Variants in PCDHGA5 observed in about 807,000 individuals in gnomAD.
PCDHGA5 encodes the protein protocadherin gamma-A5.
In PCDHGA5, 36 loss-of-function variants were observed where a neutral mutation model predicts 56.7. The observed-to-expected ratio is 0.64, with a 90% CI of 0.49 to 0.84. The LOEUF (loss-of-function observed/expected upper bound fraction) is 0.84, where lower values mean the gene tolerates loss of function less well. Among genes scored for constraint, PCDHGA5 ranks in the 40% least tolerant of loss-of-function variants. PCDHGA5 has a pLI of 0.00. For synonymous variants in PCDHGA5, 563 were observed against 520.2 expected, an observed-to-expected ratio of 1.08 and a Z score of -1.12; for missense variants, 1,305 against 1,201.5, an observed-to-expected ratio of 1.09 and a Z score of -1.27.
At chr5:141,495,591 C>G (rs2099762279) in intron 2 of PCDHGA5, among the ~76,000 whole-genome samples, 3 of 152,222 alleles carry the variant, frequency 2.0e-5, no homozygotes, top group African/African-American at 7.2e-5. Context: ...CCATCTCTGT[C>G]TTAGCTTCCG....
intron 1 of PCDHGA5, chr5:141,376,562 C>G: frequency 1.2e-6 from 2 of 1,608,850 alleles, no homozygotes; most frequent in Non-Finnish European, 8.5e-7. Context: ...CGCAACCCAA[C>G]TAATCAGACA....
At chr5:141,386,929 A>G (rs1329848875) in intron 1 of PCDHGA5, among the ~76,000 whole-genome samples, 1 of 152,216 alleles carries the variant, frequency 6.6e-6, no homozygotes, top group Non-Finnish European at 1.5e-5. Context: ...AAATAAGTGC[A>G]GAGGTAGGAA....
chr5:141,460,126 T>TC (rs2098982804), intron 1 of PCDHGA5, among the ~76,000 whole-genome samples: 1 of 151,986 alleles, frequency 6.6e-6, no homozygotes, highest in South Asian at 2.1e-4. Context: ...ATATATGTAA[T>TC]ATATATATTC....
At chr5:141,479,633 T>TAACAAC (rs749744124) in intron 1 of PCDHGA5, 1 of 152,114 alleles carries the variant, frequency 6.6e-6, no homozygotes, top group Admixed American at 6.5e-5. Flanking sequence ...TCTTTAACAA[T>TAACAAC]AACAACAACA....
In PCDHGA5 at chr5:141,493,233, G is replaced by T. The variant is rs1335823475; in HGVS notation, c.2422-1574G>T. ...TTTGCTCTTCCCACCATTGCTGTTG[G>T]CTAGGTACTAACATGCCTCTCTTAT... is the stretch of plus-strand genomic sequence containing the variant. On this transcript the variant is annotated intron_variant, in intron 1 of 3. Coordinates refer to ENST00000518069, the MANE Select transcript of PCDHGA5 (RefSeq NM_018918.3). This position sits in a 1 kb window ranked among gnomAD's most constrained non-coding sequence, Gnocchi z 4.3. 6.6e-6 allele frequency among the ~76,000 whole-genome samples: 1 copy of T among 152,172 alleles called. No homozygotes were observed. The highest frequency in any genetic ancestry group is 2.1e-4 in the South Asian group (1 of 4,828).
At position 141,476,499 on chromosome 5, in the gene PCDHGA5, T is replaced by A. The variant is rs763373223; in HGVS notation, c.2422-18308T>A. On this transcript the variant is annotated intron_variant, in intron 1 of 3. Coordinates refer to ENST00000518069, the MANE Select transcript of PCDHGA5 (RefSeq NM_018918.3). This position sits in a 1 kb window ranked among gnomAD's most constrained non-coding sequence, Gnocchi z 7.6. Reference sequence around the variant, plus strand: ...AGCGTGGAAGTGGTGATCCAGGACATCAACGACAACAATCCTGCTTTCCCT... The same window carrying A: ...AGCGTGGAAGTGGTGATCCAGGACAACAACGACAACAATCCTGCTTTCCCT... 3.1e-6 allele frequency: 5 copies of A among 1,613,992 alleles called. No individual in the cohort carries two copies. The South Asian group carries it at 5.5e-5, about 18-fold the overall frequency.
intron 1 of PCDHGA5, chr5:141,423,466 G>C (rs770939556): frequency 1.2e-6 from 2 of 1,613,904 alleles, no homozygotes; most frequent in Admixed American, 3.3e-5. Context: ...CGTGGACGGG[G>C]TACAGGCTTT....
intron 1 of PCDHGA5, among the ~76,000 whole-genome samples, chr5:141,468,306 C>T (rs1006015063): frequency 9.5e-6 from 1 of 105,260 alleles, no homozygotes; most frequent in African/African-American, 3.7e-5. Context: ...GCCTGGGCAA[C>T]AAGAGCAACG....
At chr5:141,481,813 G>A (rs185558948) in intron 1 of PCDHGA5, among the ~76,000 whole-genome samples, 15 of 151,942 alleles carry the variant, frequency 9.9e-5, no homozygotes, top group East Asian at 7.8e-4. Context: ...TTCACCAGGC[G>A]TGGTGGCTGA....
intron 1 of PCDHGA5, chr5:141,382,678 C>T (rs1778365964): frequency 2.3e-6 from 1 of 439,006 alleles, no homozygotes; most frequent in African/African-American, 2.0e-5. Flanking sequence ...TGTTCACCAA[C>T]CAGGGAAAAA....
rs1360364370 is a variant in PCDHGA5, at chr5:141,491,814, G to A, written c.2422-2993G>A. 1 of 1,486,114 alleles carries A rather than the reference G, an allele frequency of 6.7e-7. No individual in the cohort carries two copies. The allele number at this position is 1,486,114 out of a possible 1,614,324, so 92.1% of individuals were successfully genotyped here. On this transcript the variant is annotated intron_variant, in intron 1 of 3. Transcript: ENST00000518069. This position sits in a 1 kb window ranked among gnomAD's most constrained non-coding sequence, Gnocchi z 6.9. ...TCCTCTCCGGCCGGCTTGGTCGCTGGCTGCGCTCCACCCGATTCTCGGGAT... is the reference window on the plus strand; with the variant it reads ...TCCTCTCCGGCCGGCTTGGTCGCTGACTGCGCTCCACCCGATTCTCGGGAT...
rs1245088091 is a variant in PCDHGA5, at chr5:141,366,499, C to G, written c.2169C>G (p.Arg723=). 2 of 1,614,262 alleles carry G rather than the reference C, an allele frequency of 1.2e-6. No individual in the cohort carries two copies. The highest frequency in any genetic ancestry group is 1.7e-6 in the Non-Finnish European group (2 of 1,180,044). ...VLRLRRWHKS[R]LLQAEGSRLA... Reference sequence around the variant, plus strand: ...GACTGAGGCGCTGGCACAAGTCACGCCTGCTTCAGGCTGAAGGCAGCAGGT... The same window carrying G: ...GACTGAGGCGCTGGCACAAGTCACGGCTGCTTCAGGCTGAAGGCAGCAGGT... The change falls in exon 1 of 4, where the codon CGC becomes CGG. Residue 723 remains arginine, a synonymous_variant. Transcript: ENST00000518069.
At position 141,499,027 on chromosome 5, in the gene PCDHGA5, A is replaced by AG. The variant is rs1323149397; in HGVS notation, c.2480+4163dup. 7.4e-3 allele frequency among the ~76,000 whole-genome samples: 1,116 copies of AG among 149,928 alleles called. 12 individuals are homozygous for AG. Among genetic ancestry groups the AG allele is most frequent in the African/African-American group, 0.026 (1,074 of 40,604 alleles). On this transcript the variant is annotated intron_variant, in intron 2 of 3. Transcript: ENST00000518069. ...AAGGAAGGAAGGAAGGAAGGAAGGA[A>AG]GAAAAGAAAGAAAAAGGGAGAAAAA...
intron 1 of PCDHGA5, among the ~76,000 whole-genome samples, chr5:141,438,976 C>T (rs2098079529): frequency 6.6e-6 from 1 of 151,928 alleles, no homozygotes; most frequent in Non-Finnish European, 1.5e-5. Context: ...AACTGTCTGA[C>T]TTATCTTAAA....
In PCDHGA5 at chr5:141,491,257, G is replaced by A. The variant is rs754721047; in HGVS notation, c.2422-3550G>A. 2 of 1,614,170 alleles carry A rather than the reference G, an allele frequency of 1.2e-6. No individual in the cohort carries two copies. The highest frequency in any genetic ancestry group is 3.3e-5 in the Admixed American group (2 of 60,020). On this transcript the variant is annotated intron_variant, in intron 1 of 3. Coordinates refer to ENST00000518069, the MANE Select transcript of PCDHGA5 (RefSeq NM_018918.3). This position sits in a 1 kb window ranked among gnomAD's most constrained non-coding sequence, Gnocchi z 6.9. ...GGTTCTGGAGGATGAGGACCCTGAG[G>A]AAATGCCCAAATCCAGTGACTTCCT... is the stretch of plus-strand genomic sequence containing the variant.
Position 141,432,075 on chromosome 5 carries a change from C to T in PCDHGA5, c.2422-62732C>T. On this transcript the variant is annotated intron_variant, in intron 1 of 3. Transcript: ENST00000518069. The surrounding 1 kb of genome is among the most constrained non-coding windows in gnomAD (Gnocchi z 6.0). ...CCCCTATCCACGGAAACTCATATCT[C>T]GCTGAACGTGGCAGACACCAACGAC... 3 of 1,614,204 alleles carry T rather than the reference C, an allele frequency of 1.9e-6. No homozygotes were observed. Among genetic ancestry groups the T allele is most frequent in the Non-Finnish European group, 2.5e-6 (3 of 1,180,046 alleles).
At chr5:141,500,182 A>ATTT (rs1199992745) in intron 2 of PCDHGA5, among the ~76,000 whole-genome samples, 1 of 131,622 alleles carries the variant, frequency 7.6e-6, no homozygotes, top group African/African-American at 3.1e-5. Context: ...CTTCATTTTT[A>ATTT]TTTTTATTTA....
At chr5:141,419,109 A>T in intron 1 of PCDHGA5, 1 of 1,613,940 alleles carries the variant, frequency 6.2e-7, no homozygotes, top group Non-Finnish European at 8.5e-7. Flanking sequence ...CAGACCCCAG[A>T]GTACAACGTC....
rs1303365585 is a variant in PCDHGA5 at position 141,511,350 on chromosome 5, C to A, written c.*177C>A. 2.1e-5 allele frequency: 30 copies of A among 1,397,076 alleles called. No individual in the cohort carries two copies. Among genetic ancestry groups the A allele is most frequent in the African/African-American group, 1.7e-4 (12 of 68,780 alleles). The allele number at this position is 1,397,076 out of a possible 1,614,324, so 86.5% of individuals were successfully genotyped here. Reference sequence around the variant, plus strand: ...CCCAGTCAGCACCTACCCCTTCCCCCCCAGGGGGTTGAATATGCAAAAGCA... The same window carrying A: ...CCCAGTCAGCACCTACCCCTTCCCCACCAGGGGGTTGAATATGCAAAAGCA... On this transcript the variant is annotated 3_prime_UTR_variant, in exon 4 of 4. Transcript: ENST00000518069.
Sources: gnomAD v4.1 joint callset for allele counts (sites outside exome capture counted in the v4.1 genomes callset) on GRCh38, gnomAD v4.1.1 for gene constraint, Gnocchi (gnomAD v3.1) non-coding constraint, MANE v1.5 for transcripts, NCBI Gene and HGNC (gene_info 2026-07-23, HGNC 2026-07-21) for gene names.